The following SNAP91 variants were observed in gnomAD, a reference collection of about 807,000 sequenced individuals.
SNAP91 encodes clathrin coat assembly protein AP180.
Under a neutral mutation model 100.3 loss-of-function variants are expected in SNAP91, and 27 were observed. That is an observed-to-expected ratio of 0.27 (90% CI 0.20 to 0.37). SNAP91 has a LOEUF of 0.37. Among genes scored for constraint, SNAP91 ranks in the 10% least tolerant of loss-of-function variants. The pLI is 1.00. For missense variants in SNAP91, 986 were observed against 1,123.7 expected (o/e 0.88, Z 1.75); for synonymous variants, 404 against 398.6 (o/e 1.01, Z -0.16).
chr6:83,657,467 A>G (rs2098436149), intron 6 of SNAP91, among the ~76,000 whole-genome samples: 1 of 152,206 alleles, frequency 6.6e-6, no homozygotes, highest in African/African-American at 2.4e-5. Flanking sequence ...AGAAAAATAA[A>G]CGAATTAAAA....
chr6:83,642,166 T>TC (rs1346115770), intron 7 of SNAP91, among the ~76,000 whole-genome samples: 1 of 151,294 alleles, frequency 6.6e-6, no homozygotes, highest in Non-Finnish European at 1.5e-5. Flanking sequence ...AATATGCTAT[T>TC]TTTTCAGTAT....
chr6:83,617,083 C>G, intron 9 of SNAP91, 44 bp from the exon 10 acceptor site: 10 of 1,273,950 alleles, frequency 7.8e-6, no homozygotes, highest in Non-Finnish European at 1.1e-5. Context: ...TGTTTACTTT[C>G]AATGTAAACA....
intron 22 of SNAP91, among the ~76,000 whole-genome samples, chr6:83,584,392 G>C (rs2091923990): frequency 6.6e-6 from 1 of 152,068 alleles, no homozygotes; most frequent in South Asian, 2.1e-4. Flanking sequence ...TAACACACTG[G>C]TAAGATTCAG....
intron 5 of SNAP91, among the ~76,000 whole-genome samples, chr6:83,660,799 G>GT (rs2098528216): frequency 6.7e-6 from 1 of 148,788 alleles, no homozygotes; most frequent in Admixed American, 6.7e-5. Context: ...TTTTGACACA[G>GT]GGTCTTAGAG....
chr6:83,565,885 T>C (rs1184517282), intron 26 of SNAP91, among the ~76,000 whole-genome samples: 1 of 152,174 alleles, frequency 6.6e-6, no homozygotes, highest in African/African-American at 2.4e-5. Flanking sequence ...ATGTAGCTGC[T>C]ATGGAAACGC....
rs1203949361 is a variant in SNAP91 at position 83,592,111 on chromosome 6, T to TA, written c.1930+343dup. Among the ~76,000 whole-genome samples, 3 of 152,310 alleles carry TA rather than the reference T, an allele frequency of 2.0e-5. No homozygotes were observed. In the East Asian group the frequency reaches 5.8e-4, roughly 29 times the overall value. ...CATGTTTATTTGGCTTTTAAGAACT[T>TA]AGAGATGTTGATTTAGCCAACAGAT... is the stretch of plus-strand genomic sequence containing the variant. On this transcript the variant is annotated intron_variant, in intron 21 of 29. Coordinates refer to ENST00000369694, the MANE Select transcript of SNAP91 (RefSeq NM_001242792.2).
intron 2 of SNAP91, among the ~76,000 whole-genome samples, chr6:83,703,331 T>C (rs1250779345): frequency 6.6e-6 from 1 of 152,142 alleles, no homozygotes; most frequent in Non-Finnish European, 1.5e-5. Flanking sequence ...TTTGGATCTT[T>C]CAGCACTTAC....
rs1170008016 is a variant in SNAP91, at chr6:83,665,429, C to T, written c.273+10G>A. ...CCTCCATCAAAAAAAGAAAAGTTTACTTAGTTTACCTCATTTCCATGCACC... is the reference window on the plus strand; with the variant it reads ...CCTCCATCAAAAAAAGAAAAGTTTATTTAGTTTACCTCATTTCCATGCACC... On this transcript the variant is annotated intron_variant, in intron 3 of 29. Coordinates refer to ENST00000369694, the MANE Select transcript of SNAP91 (RefSeq NM_001242792.2). 6.2e-7 allele frequency: 1 copy of T among 1,605,494 alleles called. No homozygotes were observed. Among genetic ancestry groups the T allele is most frequent in the East Asian group, 2.2e-5 (1 of 44,714 alleles).
intron 5 of SNAP91, 105 bp downstream of exon 5, chr6:83,661,397 G>C: frequency 3.2e-6 from 2 of 615,934 alleles, no homozygotes; most frequent in Non-Finnish European, 5.6e-6. Context: ...ATTGTAAACT[G>C]GGCCTTCAAG....
chr6:83,678,612 A>G (rs2098943708), intron 2 of SNAP91, among the ~76,000 whole-genome samples: 1 of 152,134 alleles, frequency 6.6e-6, no homozygotes, highest in Non-Finnish European at 1.5e-5. Flanking sequence ...TGTATCTATA[A>G]CCTAATCTCT....
In SNAP91 at chr6:83,614,847, C is replaced by G; in HGVS notation, c.884+10G>C. 10 of 1,587,342 alleles carry G rather than the reference C, an allele frequency of 6.3e-6. No homozygotes were observed. The highest frequency in any genetic ancestry group is 8.5e-6 in the Non-Finnish European group (10 of 1,172,764). ...CCAAATGCAAAAAACTCACTCCATA[C>G]AGTACTCACCCTTCACTTAAGTTCC... is the stretch of plus-strand genomic sequence containing the variant. On this transcript the variant is annotated intron_variant, in intron 11 of 29. Transcript: ENST00000369694.
chr6:83,620,944 T>C (rs1458702376), intron 9 of SNAP91, among the ~76,000 whole-genome samples: 1 of 151,954 alleles, frequency 6.6e-6, no homozygotes, highest in Non-Finnish European at 1.5e-5. Context: ...AACTCATGAT[T>C]CGCCTGCCTC....
At position 83,553,630 on chromosome 6, in the gene SNAP91, T is replaced by G. The variant is rs1274154377; in HGVS notation, c.*666A>C. 6.6e-6 allele frequency: 1 copy of G among 152,096 alleles called. No individual in the cohort carries two copies. Among genetic ancestry groups the G allele is most frequent in the Non-Finnish European group, 1.5e-5 (1 of 68,016 alleles). The allele number at this position is 152,096 out of a possible 1,614,324, so 9.4% of individuals were successfully genotyped here. A position where few individuals can be genotyped will look rare whatever the true frequency, so the allele number is the denominator to read the frequency against. On this transcript the variant is annotated 3_prime_UTR_variant, in exon 30 of 30. Transcript: ENST00000369694. ...ATAGCAGTGATAAATAGGGGATTCT[T>G]CCCATACGATTTTTCGTTCTTGATA...
intron 8 of SNAP91, among the ~76,000 whole-genome samples, chr6:83,639,161 A>G (rs1166051606): frequency 1.3e-5 from 2 of 152,200 alleles, no homozygotes. Context: ...ATCATATTCT[A>G]GAAGTCTTCC....
intron 23 of SNAP91, among the ~76,000 whole-genome samples, chr6:83,581,910 C>G (rs1466052862): frequency 1.3e-5 from 2 of 152,182 alleles, no homozygotes; most frequent in Non-Finnish European, 2.9e-5. Flanking sequence ...TACAAAGTAT[C>G]TGTTTTTCTT....
rs565416070 is a variant in SNAP91, at chr6:83,614,028, C to T, written c.884+829G>A. On this transcript the variant is annotated intron_variant, in intron 11 of 29. Transcript: ENST00000369694. ...GTTTCACTATGAACACAGCAAATGT[C>T]CATATTTCTTTCCAAGATGTTAACA... Among the ~76,000 whole-genome samples the T allele has an allele frequency of 2.0e-5, 3 of 152,184 alleles. No individual in the cohort carries two copies. The South Asian group carries it at 6.2e-4, about 32-fold the overall frequency.
chr6:83,591,348 CAGTA>C (rs2093718637), intron 21 of SNAP91, 54 bp from the exon 22 acceptor site: 1 of 1,165,534 alleles, frequency 8.6e-7, no homozygotes, highest in Non-Finnish European at 1.3e-6. Flanking sequence ...AAAGTAAGTA[CAGTA>C]AGTAATTTAA....
At chr6:83,686,590 A>T (rs2099064464) in intron 2 of SNAP91, among the ~76,000 whole-genome samples, 1 of 152,196 alleles carries the variant, frequency 6.6e-6, no homozygotes, top group Non-Finnish European at 1.5e-5. Flanking sequence ...GAAAATAATC[A>T]CTTTCATACT....
At chr6:83,637,138 G>A (rs534819130) in intron 8 of SNAP91, among the ~76,000 whole-genome samples, 2 of 152,228 alleles carry the variant, frequency 1.3e-5, no homozygotes, top group Non-Finnish European at 2.9e-5. Context: ...AGTGCTCTGG[G>A]GAGGGGAGGC....
Sources: allele counts gnomAD v4.1 joint callset (sites outside exome capture counted in the v4.1 genomes callset), GRCh38; gene constraint gnomAD v4.1.1; transcripts MANE v1.5; gene names NCBI Gene and HGNC (gene_info 2026-07-23, HGNC 2026-07-21).